NCOR2: variants seen among roughly 807,000 people sequenced by gnomAD.
The protein encoded by NCOR2 is CTG repeat protein 26.
Under a neutral mutation model 262.9 loss-of-function variants are expected in NCOR2, and 81 were observed. The observed-to-expected ratio is 0.31, with a 90% CI of 0.26 to 0.37. The LOEUF is 0.37. NCOR2 is among the 10% of genes least tolerant of loss of function. The pLI is 1.00. For missense variants in NCOR2, 3,385 were observed against 3,621.4 expected (o/e 0.93, Z 1.68); for synonymous variants, 1,659 against 1,559.3 (o/e 1.06, Z -1.51).
Position 124,327,293 on chromosome 12 carries a change from TAA to T in NCOR2, c.7183+114_7183+115del, listed in dbSNP as rs2034756169. On this transcript the variant is annotated intron_variant, in intron 45 of 46. Coordinates refer to ENST00000405201, the Ensembl canonical transcript of NCOR2. ...GAACGAGGTCAAACACGCACAAAAA[TAA>T]AGTCACAAGCTCCAAAGCTCGAGGA... 10 of 849,482 alleles carry T rather than the reference TAA, an allele frequency of 1.2e-5. No individual in the cohort carries two copies. In the South Asian group the frequency reaches 1.6e-4, roughly 13 times the overall value. The allele number at this position is 849,482 out of a possible 1,614,324, so 52.6% of individuals were successfully genotyped here.
At chr12:124,495,673 C>T (rs2048341698), upstream of NCOR2, among the ~76,000 whole-genome samples, 3 of 152,212 alleles carry the variant, frequency 2.0e-5, no homozygotes, top group Admixed American at 2.0e-4. The surrounding 1 kb of genome is among the most constrained non-coding windows in gnomAD (Gnocchi z 4.4). Flanking sequence ...CCAGATGGCT[C>T]CCAGCCCCCC....
chr12:124,528,542 G>C (rs1192788329), intron 1 of NCOR2, among the ~76,000 whole-genome samples: 1 of 152,156 alleles, frequency 6.6e-6, no homozygotes, highest in Non-Finnish European at 1.5e-5. Flanking sequence ...CAACAGGATT[G>C]AACAAGGAAG....
chr12:124,417,284 C>T (rs556981599), intron 13 of NCOR2, among the ~76,000 whole-genome samples: 184 of 152,098 alleles, frequency 1.2e-3, no homozygotes, highest in African/African-American at 4.0e-3. Context: ...ACTCACTCCA[C>T]GAAGAGCAAG....
intron 22 of NCOR2, among the ~76,000 whole-genome samples, chr12:124,359,484 G>C (rs1198530344): frequency 6.6e-6 from 1 of 152,248 alleles, no homozygotes; most frequent in African/African-American, 2.4e-5. Context: ...CCCTGGCGAG[G>C]TGGGCAGCCC....
At chr12:124,435,584 C>T (rs75892868) in intron 8 of NCOR2, among the ~76,000 whole-genome samples, 1 of 152,334 alleles carries the variant, frequency 6.6e-6, no homozygotes, top group East Asian at 1.9e-4. Flanking sequence ...AGACCCTCCT[C>T]CCATATAGCA....
At chr12:124,343,029 G>A (rs2036590928) in exon 33 of NCOR2, 2 of 1,611,530 alleles carry the variant, frequency 1.2e-6, no homozygotes, top group African/African-American at 1.3e-5. Flanking sequence ...ATGCCGCGGG[G>A]TATGGAGGTG....
exon 47 of NCOR2, chr12:124,325,448 T>C (rs1445089258): frequency 8.4e-7 from 1 of 1,191,676 alleles, no homozygotes; most frequent in Non-Finnish European, 1.1e-6. Flanking sequence ...GAGCAGTGGC[T>C]TGGGCTCCTC....
chr12:124,417,301 A>G (rs913004490), intron 13 of NCOR2, among the ~76,000 whole-genome samples: 12 of 152,000 alleles, frequency 7.9e-5, no homozygotes, highest in African/African-American at 2.4e-4. Flanking sequence ...CAAGCCGGAC[A>G]CTCACTCTAC....
intron 12 of NCOR2, among the ~76,000 whole-genome samples, chr12:124,421,622 G>A (rs773721680): frequency 6.6e-6 from 1 of 152,170 alleles, no homozygotes; most frequent in Non-Finnish European, 1.5e-5. Flanking sequence ...CCTACAACCA[G>A]GAAGCCCGAG....
Position 124,364,956 on chromosome 12 carries a change from C to T in NCOR2, c.2808-1157G>A, listed in dbSNP as rs551421473. 2.0e-3 allele frequency among the ~76,000 whole-genome samples: 295 copies of T among 149,816 alleles called. 1 individual carries two copies. Among genetic ancestry groups the T allele is most frequent in the African/African-American group, 6.9e-3 (279 of 40,564 alleles). On this transcript the variant is annotated intron_variant, in intron 20 of 46. Coordinates refer to ENST00000405201, the Ensembl canonical transcript of NCOR2. ...TTGGAGGCAGCCTGGACCGTGTTTG[C>T]GGGTATGGAGGTGGCCCGGCCTGCG...
At chr12:124,369,793 G>A (rs776593468) in intron 20 of NCOR2, among the ~76,000 whole-genome samples, 3 of 152,098 alleles carry the variant, frequency 2.0e-5, no homozygotes, top group African/African-American at 4.8e-5. Context: ...GTGGACGTAC[G>A]CCAGGCCCAG....
intron 13 of NCOR2, among the ~76,000 whole-genome samples, chr12:124,418,842 C>G (rs141890121): frequency 4.3e-4 from 66 of 152,352 alleles, no homozygotes; most frequent in African/African-American, 1.4e-3. Context: ...CCTACGAAAA[C>G]TTCACTGGGA....
intron 1 of NCOR2, among the ~76,000 whole-genome samples, chr12:124,491,699 G>A (rs1275004737): frequency 6.6e-6 from 1 of 152,206 alleles, no homozygotes; most frequent in Non-Finnish European, 1.5e-5. Flanking sequence ...GCAGAATGCA[G>A]CTGGGCCACA....
intron 22 of NCOR2, among the ~76,000 whole-genome samples, chr12:124,357,037 C>T (rs537644577): frequency 3.9e-5 from 6 of 152,358 alleles, no homozygotes; most frequent in East Asian, 3.9e-4. Context: ...AGGACGAGAA[C>T]GGGACCCTCT....
At chr12:124,451,813 T>A (rs1268366127) in intron 6 of NCOR2, among the ~76,000 whole-genome samples, 1 of 152,152 alleles carries the variant, frequency 6.6e-6, no homozygotes, top group East Asian at 1.9e-4. Flanking sequence ...CACCTCCTGA[T>A]GACGCCGGCA....
chr12:124,478,850 CAA>C (rs1467256783), intron 3 of NCOR2, among the ~76,000 whole-genome samples: 1 of 151,900 alleles, frequency 6.6e-6, no homozygotes, highest in African/African-American at 2.4e-5. Flanking sequence ...TAGAGGGACA[CAA>C]AGAGAAAGAG....
chr12:124,386,613 T>C (rs1190040719), intron 16 of NCOR2, among the ~76,000 whole-genome samples: 3 of 152,182 alleles, frequency 2.0e-5, no homozygotes, highest in Non-Finnish European at 4.4e-5. Flanking sequence ...CCTCCTGCTG[T>C]GGGAAGAGAC....
At chr12:124,356,830 C>G in intron 22 of NCOR2, 48 bp from the exon 25 acceptor site, 9 of 1,431,284 alleles carry the variant, frequency 6.3e-6, no homozygotes, top group Non-Finnish European at 8.2e-6. Context: ...GTGGGGCAGT[C>G]AGACCTCGGG....
At chr12:124,345,940 G>C (rs1167156829) in intron 31 of NCOR2, among the ~76,000 whole-genome samples, 1 of 152,170 alleles carries the variant, frequency 6.6e-6, no homozygotes, top group Non-Finnish European at 1.5e-5. Context: ...CCACCGAACA[G>C]CTCCTCGTCC....
Sources: allele counts gnomAD v4.1 joint callset (sites outside exome capture counted in the v4.1 genomes callset), GRCh38; gene constraint gnomAD v4.1.1; non-coding constraint Gnocchi (gnomAD v3.1); transcripts MANE v1.5; gene names NCBI Gene and HGNC (gene_info 2026-07-23, HGNC 2026-07-21).